The following RAB11B variants were observed in gnomAD, a reference collection of about 807,000 sequenced individuals.
RAB11B encodes the protein ras-related protein Rab-11B.
In RAB11B, 7 loss-of-function variants were observed where a neutral mutation model predicts 23.7. The observed-to-expected ratio is 0.29, with a 90% CI of 0.17 to 0.55. The LOEUF (loss-of-function observed/expected upper bound fraction) is 0.55, where lower values mean the gene tolerates loss of function less well. Ranked by LOEUF, RAB11B falls within the 20% of genes least tolerant of loss-of-function variation. RAB11B has a pLI of 0.93. For synonymous variants in RAB11B, 138 were observed against 132.0 expected (o/e 1.05, Z -0.31); for missense variants, 189 against 320.0 (o/e 0.59, Z 3.12).
In RAB11B at chr19:8,396,714, G is replaced by GC. The variant is rs1333172562; in HGVS notation, c.41-3149_41-3148insC. 6.8e-6 allele frequency among the ~76,000 whole-genome samples: 1 copy of GC among 146,652 alleles called. No individual in the cohort carries two copies. The highest frequency in any genetic ancestry group is 2.5e-5 in the African/African-American group (1 of 39,366). On this transcript the variant is annotated intron_variant, in intron 1 of 4. Transcript: ENST00000328024. This position sits in a 1 kb window ranked among gnomAD's most constrained non-coding sequence, Gnocchi z 5.0. ...GTGGCTGGAGCAGAGTGAGCCGGGG[G>GC]GGGGGCGGGAGGGAGGAGGGGAGGG...
chr19:8,399,339 C>T (rs1012052689), intron 1 of RAB11B, among the ~76,000 whole-genome samples: 2 of 152,212 alleles, frequency 1.3e-5, no homozygotes, highest in Non-Finnish European at 2.9e-5. Context: ...CCGCCTGGCT[C>T]ATCCTCTCAA....
chr19:8,400,243 G>A (rs886836313), intron 2 of RAB11B, 185 bp downstream of exon 2: 17 of 725,310 alleles, frequency 2.3e-5, no homozygotes, highest in Non-Finnish European at 3.1e-5. Context: ...CCAGCGCCCA[G>A]CCTTCGCCAC....
At chr19:8,402,786 C>T in intron 4 of RAB11B, 1 of 582,958 alleles carries the variant, frequency 1.7e-6, no homozygotes, top group Non-Finnish European at 3.0e-6. Context: ...CCTCAGCCTC[C>T]CGAGTAGCTG....
Position 8,402,276 on chromosome 19 carries a change from G to A in RAB11B, c.427G>A (p.Ala143Thr), listed in dbSNP as rs772721088. The A allele has an allele frequency of 6.4e-6, 10 of 1,553,520 alleles. No individual in the cohort carries two copies. The highest frequency in any genetic ancestry group is 1.7e-4 in the Middle Eastern group (1 of 5,864). Residue 143 changes from alanine (A) to threonine (T), a missense_variant, in exon 3 of 5, where the codon GCA (alanine) becomes ACA (threonine). This residue lies in a region of RAB11B where 122 missense variants were observed against 170.8 expected (regional missense o/e 0.71). Coordinates refer to ENST00000328024, the MANE Select transcript of RAB11B (RefSeq NM_004218.4). ...AVPTDEARAF[A>T]EKNNLSFIET... ...GCCCACTGACGAGGCCCGCGCCTTCGCAGGTGAGCAGACGGAGACGCAGGC... is the reference window on the plus strand; with the variant it reads ...GCCCACTGACGAGGCCCGCGCCTTCACAGGTGAGCAGACGGAGACGCAGGC...
At position 8,396,716 on chromosome 19, in the gene RAB11B, G is replaced by A. The variant is rs1006362870; in HGVS notation, c.41-3147G>A. 6.9e-6 allele frequency among the ~76,000 whole-genome samples: 1 copy of A among 145,088 alleles called. No homozygotes were observed. The highest frequency in any genetic ancestry group is 1.5e-5 in the Non-Finnish European group (1 of 66,070). ...GGCTGGAGCAGAGTGAGCCGGGGGGGGGGCGGGAGGGAGGAGGGGAGGGCC... is the reference window on the plus strand; with the variant it reads ...GGCTGGAGCAGAGTGAGCCGGGGGGAGGGCGGGAGGGAGGAGGGGAGGGCC... On this transcript the variant is annotated intron_variant, in intron 1 of 4. Transcript: ENST00000328024. This position sits in a 1 kb window ranked among gnomAD's most constrained non-coding sequence, Gnocchi z 5.0.
chr19:8,395,115 C>T (rs1329037093), intron 1 of RAB11B, among the ~76,000 whole-genome samples: 1 of 152,076 alleles, frequency 6.6e-6, no homozygotes, highest in Non-Finnish European at 1.5e-5. Context: ...CCGTAGCTGC[C>T]GTGGAAAGGA....
intron 1 of RAB11B, among the ~76,000 whole-genome samples, chr19:8,395,142 G>A (rs1464716115): frequency 6.6e-6 from 1 of 152,170 alleles, no homozygotes; most frequent in Non-Finnish European, 1.5e-5. Flanking sequence ...GGTTGGTGGT[G>A]TAGATGGGGG....
intron 1 of RAB11B, among the ~76,000 whole-genome samples, chr19:8,393,517 G>T (rs1971374181): frequency 6.6e-6 from 1 of 152,228 alleles, no homozygotes; most frequent in African/African-American, 2.4e-5. Context: ...GGCTCCTGAG[G>T]CAGCTCCCAG....
At chr19:8,400,104 G>C in intron 2 of RAB11B, 46 bp downstream of exon 2, 1 of 1,591,960 alleles carries the variant, frequency 6.3e-7, no homozygotes, top group Non-Finnish European at 8.6e-7. Context: ...TCGGGGGCGT[G>C]GGCTTGCAGC....
chr19:8,403,581 G>C lies in RAB11B; in HGVS notation c.*23G>C. The C allele has an allele frequency of 6.2e-7, 1 of 1,601,906 alleles. No homozygotes were observed. Among genetic ancestry groups the C allele is most frequent in the East Asian group, 2.2e-5 (1 of 44,572 alleles). On this transcript the variant is annotated 3_prime_UTR_variant, in exon 5 of 5. Transcript: ENST00000328024. ...TGACCCCTGCGCCTCCACCCAGCGTGCGTGCACGTCCTCCGCCCGCCCCCG... is the reference window on the plus strand; with the variant it reads ...TGACCCCTGCGCCTCCACCCAGCGTCCGTGCACGTCCTCCGCCCGCCCCCG...
chr19:8,403,798 G>A lies in RAB11B; in HGVS notation c.*240G>A, dbSNP rs898997650. On this transcript the variant is annotated 3_prime_UTR_variant, in exon 5 of 5. Transcript: ENST00000328024. ...ACTCGGGTCCCCACAGCGTCTTGGC[G>A]GGGTGGGGAGGGCGGCAGGATGGAC... 98 of 510,660 alleles carry A rather than the reference G, an allele frequency of 1.9e-4. No homozygotes were observed. Among genetic ancestry groups the A allele is most frequent in the African/African-American group, 1.7e-3 (86 of 50,790 alleles). The allele number at this position is 510,660 out of a possible 1,614,324, so 31.6% of individuals were successfully genotyped here.
At chr19:8,398,221 C>A (rs1295733931) in intron 1 of RAB11B, among the ~76,000 whole-genome samples, 1 of 152,184 alleles carries the variant, frequency 6.6e-6, no homozygotes, top group Non-Finnish European at 1.5e-5. Flanking sequence ...TCCTGATGCT[C>A]CTTGGCCAGC....
At chr19:8,401,895 C>A (rs1971440466) in intron 2 of RAB11B, among the ~76,000 whole-genome samples, 191 bp from the exon 3 acceptor site, 1 of 152,252 alleles carries the variant, frequency 6.6e-6, no homozygotes. Context: ...CAGACCCCCA[C>A]ATTTCAGAGC....
At chr19:8,398,376 C>T (rs1385435729) in intron 1 of RAB11B, among the ~76,000 whole-genome samples, 2 of 152,242 alleles carry the variant, frequency 1.3e-5, no homozygotes, top group Admixed American at 1.3e-4. Context: ...GCAAGCTGCT[C>T]TGCTGTGCAC....
chr19:8,395,697 C>T (rs1356776693), intron 1 of RAB11B, among the ~76,000 whole-genome samples: 1 of 152,106 alleles, frequency 6.6e-6, no homozygotes, highest in Non-Finnish European at 1.5e-5. Context: ...AGGTCTGAGC[C>T]GAGGGGTCTT....
chr19:8,401,889 C>T (rs1054838452), intron 2 of RAB11B, among the ~76,000 whole-genome samples, 197 bp from the exon 3 acceptor site: 9 of 152,348 alleles, frequency 5.9e-5, no homozygotes, highest in African/African-American at 2.2e-4. Flanking sequence ...CCTCCTCAGA[C>T]CCCCACATTT....
chr19:8,394,712 C>CT (rs1327633206), intron 1 of RAB11B, among the ~76,000 whole-genome samples: 2 of 152,080 alleles, frequency 1.3e-5, no homozygotes, highest in African/African-American at 4.8e-5. Flanking sequence ...GGGTGAATCA[C>CT]TTGAAGTCAG....
At chr19:8,394,995 G>GCAA (rs1971385539) in intron 1 of RAB11B, among the ~76,000 whole-genome samples, 1 of 152,244 alleles carries the variant, frequency 6.6e-6, no homozygotes, top group Non-Finnish European at 1.5e-5. Context: ...GCTGGGGCAA[G>GCAA]GCTGGAATGG....
Position 8,402,519 on chromosome 19 carries a change from C to T in RAB11B, c.465C>T (p.Ala155=), listed in dbSNP as rs777219743. ...KNNLSFIETS[A]LDSTNVEEAF... Reference sequence around the variant, plus strand: ...ACTTGTCCTTCATCGAGACCTCAGCCTTGGATTCCACTAACGTAGAGGAAG... The same window carrying T: ...ACTTGTCCTTCATCGAGACCTCAGCTTTGGATTCCACTAACGTAGAGGAAG... Residue 155 remains alanine (A), a synonymous_variant, in exon 4 of 5, where the codon GCC becomes GCT. Transcript: ENST00000328024. The T allele has an allele frequency of 8.7e-6, 14 of 1,613,920 alleles. No individual in the cohort carries two copies. The highest frequency in any genetic ancestry group is 1.1e-5 in the South Asian group (1 of 91,086).
Sources: allele counts gnomAD v4.1 joint callset (sites outside exome capture counted in the v4.1 genomes callset), GRCh38; gene constraint gnomAD v4.1.1; regional missense constraint gnomAD v4.1.1; non-coding constraint Gnocchi (gnomAD v3.1); transcripts MANE v1.5; gene names NCBI Gene and HGNC (gene_info 2026-07-23, HGNC 2026-07-21).